The following KDM5A variants were observed in gnomAD, a reference collection of about 807,000 sequenced individuals.
The protein encoded by KDM5A is lysine demethylase 5A, also known as lysine-specific demethylase 5A.
A neutral mutation model predicts 193.5 loss-of-function variants in KDM5A; 42 were observed. That is an observed-to-expected ratio of 0.22 (90% CI 0.17 to 0.28). KDM5A has a LOEUF of 0.28. Among genes scored for constraint, KDM5A ranks in the 10% least tolerant of loss-of-function variants. KDM5A has a pLI of 1.00. For synonymous variants in KDM5A, 796 were observed against 718.1 expected (o/e 1.11, Z -1.73); for missense variants, 1,692 against 2,055.1 (o/e 0.82, Z 3.42).
At chr12:322,345 C>A (rs1943727969) in intron 17 of KDM5A, 72 bp downstream of exon 17, 5 of 1,418,168 alleles carry the variant, frequency 3.5e-6, no homozygotes, top group Non-Finnish European at 3.9e-6. Context: ...CTTCACAGGC[C>A]GGATAAAATT....
At chr12:332,060 G>C (rs778927821) in intron 12 of KDM5A, 122 bp from the exon 13 acceptor site, 4 of 880,758 alleles carry the variant, frequency 4.5e-6, no homozygotes, top group Non-Finnish European at 5.4e-6. Context: ...AAAGCATTAA[G>C]TTACACATAT....
chr12:305,555 C>G (rs16929316), intron 24 of KDM5A, among the ~76,000 whole-genome samples: 3,908 of 152,240 alleles, frequency 0.026, 156 homozygotes, highest in African/African-American at 0.089. Context: ...TCTCTGGAAG[C>G]AGCCTTTTGT....
At chr12:296,749 G>C (rs1426087478) in intron 25 of KDM5A, among the ~76,000 whole-genome samples, 1 of 152,204 alleles carries the variant, frequency 6.6e-6, no homozygotes, top group South Asian at 2.1e-4. Flanking sequence ...CACATAGAGG[G>C]TGAAGGACTA....
In KDM5A at chr12:384,171, CAGA is replaced by C. The variant is rs1340555002; in HGVS notation, c.244-21_244-19del. On this transcript the variant is annotated intron_variant, in intron 2 of 27. Transcript: ENST00000399788. ...GTCATTGCCTAAGATTATTAAAATA[CAGA>C]AGAACTAAGTTATGATTGAAATGAA... is the stretch of plus-strand genomic sequence containing the variant. 2 of 1,559,318 alleles carry C rather than the reference CAGA, an allele frequency of 1.3e-6. No individual in the cohort carries two copies. The highest frequency in any genetic ancestry group is 2.7e-5 in the African/African-American group (2 of 73,720).
At position 282,187 on chromosome 12, in the gene KDM5A, C is replaced by A; in HGVS notation, c.*3269G>T. On this transcript the variant is annotated 3_prime_UTR_variant, in exon 28 of 28. Coordinates refer to ENST00000399788, the MANE Select transcript of KDM5A (RefSeq NM_001042603.3). The stretch of plus-strand genomic sequence containing the variant: ...TCCTTTAAAAAAAGAGAGAGACAGA[C>A]AGACACATGGGGTCTCGCTGTTGAC... 1 of 252,832 alleles carries A rather than the reference C, an allele frequency of 4.0e-6. No homozygotes were observed. The highest frequency in any genetic ancestry group is 7.8e-6 in the Non-Finnish European group (1 of 128,590). 15.7% of individuals were successfully genotyped at this position (252,832 alleles called of 1,614,324 possible).
In KDM5A at chr12:313,060, A is replaced by G. The variant is rs776728933; in HGVS notation, c.3032T>C (p.Ile1011Thr). ...AREWTAKVEA[I>T]QSGSNYAYLE... is the part of the protein sequence containing the mutation. ...ATAATCCAAAAGTCTTCTTACCTGAATAGCTTCCACTTTAGCGGTCCATTC... is the reference window on the plus strand; with the variant it reads ...ATAATCCAAAAGTCTTCTTACCTGAGTAGCTTCCACTTTAGCGGTCCATTC... Residue 1011 changes from isoleucine to threonine, a missense_variant, in exon 20 of 28, where the codon ATT becomes ACT. By Grantham distance (89) the Ile-to-Thr change is moderately conservative. This residue lies in a region of KDM5A where 965 missense variants were observed against 1,061.0 expected (regional missense o/e 0.91). Coordinates refer to ENST00000399788, the MANE Select transcript of KDM5A (RefSeq NM_001042603.3). 18 of 1,614,030 alleles carry G rather than the reference A, an allele frequency of 1.1e-5. No homozygotes were observed. Among genetic ancestry groups the G allele is most frequent in the Non-Finnish European group, 1.4e-5 (16 of 1,179,982 alleles).
intron 25 of KDM5A, among the ~76,000 whole-genome samples, chr12:296,684 A>C (rs760114453): frequency 1.3e-5 from 2 of 152,226 alleles, no homozygotes; most frequent in Admixed American, 6.5e-5. Context: ...AAAGTTACCC[A>C]AAACCAGAAT....
intron 2 of KDM5A, among the ~76,000 whole-genome samples, chr12:385,337 A>G (rs2137501319): frequency 6.6e-6 from 1 of 152,174 alleles, no homozygotes; most frequent in African/African-American, 2.4e-5. Flanking sequence ...CCTTCTGAAA[A>G]CCCATAAACA....
Position 354,254 on chromosome 12 carries a change from TG to T in KDM5A, c.871-21del, listed in dbSNP as rs1944202053. The T allele has an allele frequency of 6.5e-7, 1 of 1,536,412 alleles. No individual in the cohort carries two copies. Among genetic ancestry groups the T allele is most frequent in the African/African-American group, 1.4e-5 (1 of 72,322 alleles). On this transcript the variant is annotated intron_variant, in intron 7 of 27. Coordinates refer to ENST00000399788, the MANE Select transcript of KDM5A (RefSeq NM_001042603.3). ...ATCAACCTGTTAAAAAAAAAATAAA[TG>T]AAAGTCTATTTTCTATAATAAATAA...
Position 280,411 on chromosome 12 carries a change from T to C in KDM5A, c.*5045A>G, listed in dbSNP as rs549581468. 86 of 233,136 alleles carry C rather than the reference T, an allele frequency of 3.7e-4. 1 individual carries two copies. In the East Asian group the frequency reaches 5.1e-3, roughly 14 times the overall value. 14.4% of individuals were successfully genotyped at this position (233,136 alleles called of 1,614,324 possible). On this transcript the variant is annotated 3_prime_UTR_variant, in exon 28 of 28. Transcript: ENST00000399788. ...AAGAAACTTCAAGTGTATCTTTTTG[T>C]TGGCAAGAAAATTATTTCCCAAGAG...
intron 18 of KDM5A, among the ~76,000 whole-genome samples, chr12:320,086 CA>C (rs1943697877): frequency 6.6e-6 from 1 of 152,268 alleles, no homozygotes; most frequent in East Asian, 1.9e-4. Flanking sequence ...TGTGGTGTCA[CA>C]GGGGCTTAAA....
intron 4 of KDM5A, among the ~76,000 whole-genome samples, chr12:364,613 G>A (rs112580134): frequency 0.057 from 8,580 of 151,576 alleles, 785 homozygotes; most frequent in African/African-American, 0.19. Flanking sequence ...GTGAAACTCC[G>A]TCTCTACTAA....
chr12:375,779 T>A (rs1944495162), intron 3 of KDM5A, among the ~76,000 whole-genome samples: 3 of 152,230 alleles, frequency 2.0e-5, no homozygotes, highest in Non-Finnish European at 4.4e-5. Context: ...CCTTTCTGTT[T>A]GTTAGTTTTC....
At chr12:374,594 G>A (rs531090509) in intron 3 of KDM5A, among the ~76,000 whole-genome samples, 60 of 152,310 alleles carry the variant, frequency 3.9e-4, no homozygotes, top group African/African-American at 1.4e-3. Context: ...ATACTGTTAT[G>A]TGTGAATTTG....
At chr12:312,063 G>A (rs1460422066) in intron 20 of KDM5A, among the ~76,000 whole-genome samples, 1 of 152,112 alleles carries the variant, frequency 6.6e-6, no homozygotes, top group African/African-American at 2.4e-5. Flanking sequence ...CCCAGAATAC[G>A]TTCCGTTTGG....
Position 356,444 on chromosome 12 carries a change from T to C in KDM5A, c.766A>G (p.Lys256Glu). The C allele has an allele frequency of 1.2e-6, 2 of 1,604,568 alleles. No homozygotes were observed. Among genetic ancestry groups the C allele is most frequent in the Non-Finnish European group, 1.7e-6 (2 of 1,171,338 alleles). Residue 256 changes from lysine to glutamate, a missense_variant, in exon 6 of 28, where the codon AAA becomes GAA. Transcript: ENST00000399788. ...CAACAAATTTTACCTTCTTTATCTT[T>C]TGTTCCCATTGCCAAGCCCACAACC... is the stretch of plus-strand genomic sequence containing the variant. ...PKVVGLAMGT[K>E]DKEDEVTRRR...
chr12:337,215 C>T (rs1943945449), intron 10 of KDM5A, among the ~76,000 whole-genome samples: 1 of 152,228 alleles, frequency 6.6e-6, no homozygotes, highest in Admixed American at 6.5e-5. Flanking sequence ...TTCCCGAAGC[C>T]TCCTCAGCCA....
chr12:352,367 C>T (rs1329554449), intron 8 of KDM5A, 43 bp from the exon 9 acceptor site: 1 of 1,577,514 alleles, frequency 6.3e-7, no homozygotes, highest in South Asian at 1.1e-5. Flanking sequence ...TGAAACTAAA[C>T]TGAAGAAAGC....
At chr12:285,702 A>T in intron 27 of KDM5A, 40 bp from the exon 28 acceptor site, 1 of 1,566,718 alleles carries the variant, frequency 6.4e-7, no homozygotes, top group Admixed American at 1.7e-5. Context: ...GGTTACATAA[A>T]CATTAAGCCT....
Sources: allele counts gnomAD v4.1 joint callset (sites outside exome capture counted in the v4.1 genomes callset), GRCh38; gene constraint gnomAD v4.1.1; regional missense constraint gnomAD v4.1.1; transcripts MANE v1.5; gene names NCBI Gene and HGNC (gene_info 2026-07-23, HGNC 2026-07-21).